Variants in ATAD1 observed in about 807,000 individuals in gnomAD.
ATAD1 encodes the protein ATPase family AAA domain containing 1, also known as outer mitochondrial transmembrane helix translocase.
A neutral mutation model predicts 42.7 loss-of-function variants in ATAD1; 18 were observed. The observed-to-expected ratio is 0.42, with a 90% CI of 0.29 to 0.63. The LOEUF (loss-of-function observed/expected upper bound fraction) is 0.63, where lower values mean the gene tolerates loss of function less well. ATAD1 is among the 20% of genes least tolerant of loss of function. ATAD1 has a pLI of 0.19. For synonymous variants in ATAD1, 132 were observed against 143.1 expected, an observed-to-expected ratio of 0.92 and a Z score of 0.55; for missense variants, 294 against 440.4, an observed-to-expected ratio of 0.67 and a Z score of 2.98.
chr10:87,780,651 T>A (rs1448866081), intron 5 of ATAD1, among the ~76,000 whole-genome samples: 1 of 151,972 alleles, frequency 6.6e-6, no homozygotes, highest in Non-Finnish European at 1.5e-5. Context: ...AGAAAAAAAA[T>A]CCCAGAGTTC....
At chr10:87,797,305 G>A (rs551826162) in intron 2 of ATAD1, among the ~76,000 whole-genome samples, 46 of 149,808 alleles carry the variant, frequency 3.1e-4, no homozygotes, top group Middle Eastern at 3.4e-3. Context: ...AAAATTCCTC[G>A]CAGCTGCAAA....
chr10:87,793,694 T>G (rs1856237925), intron 2 of ATAD1, among the ~76,000 whole-genome samples: 1 of 152,176 alleles, frequency 6.6e-6, no homozygotes, highest in Admixed American at 6.6e-5. Flanking sequence ...TGAAAGAGTC[T>G]TTAAAAATCT....
At chr10:87,808,504 C>G (rs1193977000) in intron 2 of ATAD1, among the ~76,000 whole-genome samples, 1 of 152,168 alleles carries the variant, frequency 6.6e-6, no homozygotes, top group Non-Finnish European at 1.5e-5. Flanking sequence ...GAGCCAAAAT[C>G]ATGCCACTGC....
At chr10:87,798,394 T>C (rs1856502650) in intron 2 of ATAD1, among the ~76,000 whole-genome samples, 2 of 152,184 alleles carry the variant, frequency 1.3e-5, no homozygotes, top group Non-Finnish European at 2.9e-5. Flanking sequence ...AACATGGTCT[T>C]TGTGCACATT....
upstream of ATAD1, among the ~76,000 whole-genome samples, chr10:87,821,690 CT>C (rs1857634190): frequency 6.6e-6 from 1 of 152,182 alleles, no homozygotes; most frequent in Non-Finnish European, 1.5e-5. Context: ...CATCTGGGCT[CT>C]CCGCCATGTG....
upstream of ATAD1, among the ~76,000 whole-genome samples, chr10:87,820,724 T>C (rs1042740945): frequency 1.3e-5 from 2 of 152,198 alleles, no homozygotes; most frequent in African/African-American, 4.8e-5. Context: ...TGCCTACACC[T>C]ATATGTTTTG....
chr10:87,801,616 A>C (rs1007460394), intron 2 of ATAD1, among the ~76,000 whole-genome samples: 9 of 151,988 alleles, frequency 5.9e-5, no homozygotes, highest in African/African-American at 2.2e-4. Context: ...ATTATCAATA[A>C]TAATTATAAT....
intron 1 of ATAD1, among the ~76,000 whole-genome samples, chr10:87,826,287 G>A (rs544744090): frequency 2.6e-5 from 4 of 152,160 alleles, no homozygotes; most frequent in Non-Finnish European, 5.9e-5. Flanking sequence ...TAGTATACCT[G>A]ATAGATTTCA....
intron 1 of ATAD1, among the ~76,000 whole-genome samples, chr10:87,830,664 C>T (rs1009687504): frequency 3.3e-5 from 5 of 152,154 alleles, no homozygotes; most frequent in African/African-American, 1.2e-4. Context: ...AAATACCACT[C>T]TCTAGAAAGT....
chr10:87,792,385 T>C (rs529344523), intron 3 of ATAD1, among the ~76,000 whole-genome samples: 1 of 152,238 alleles, frequency 6.6e-6, no homozygotes, highest in Non-Finnish European at 1.5e-5. Context: ...TTGTCACAAC[T>C]TGATGCACTA....
intron 8 of ATAD1, among the ~76,000 whole-genome samples, chr10:87,757,339 A>T (rs1854273088): frequency 6.6e-6 from 1 of 151,962 alleles, no homozygotes; most frequent in African/African-American, 2.4e-5. Context: ...CTATTATCTC[A>T]ACATGAATTT....
At position 87,754,635 on chromosome 10, in the gene ATAD1, A is replaced by AT. The variant is rs1212885290; in HGVS notation, c.*51dup. The AT allele has an allele frequency of 4.5e-6, 7 of 1,564,150 alleles. No homozygotes were observed. The highest frequency in any genetic ancestry group is 5.2e-6 in the Non-Finnish European group (6 of 1,148,340). Reference sequence around the variant, plus strand: ...CTTTCCGTTCTATTTCCACTAACTGATAAGAGGACACACCAAACTAGATCA... The same window carrying AT: ...CTTTCCGTTCTATTTCCACTAACTGATTAAGAGGACACACCAAACTAGATCA... On this transcript the variant is annotated 3_prime_UTR_variant, in exon 10 of 10. Transcript: ENST00000680024.
intron 1 of ATAD1, among the ~76,000 whole-genome samples, chr10:87,828,818 C>G (rs906236193): frequency 6.6e-6 from 1 of 152,162 alleles, no homozygotes; most frequent in African/African-American, 2.4e-5. Flanking sequence ...TTCTGAAAAT[C>G]CTAGGGACTT....
chr10:87,840,959 C>T (rs372630276), intron 1 of ATAD1, among the ~76,000 whole-genome samples: 3 of 151,898 alleles, frequency 2.0e-5, no homozygotes, highest in African/African-American at 7.3e-5. Flanking sequence ...CTTTTAGTCA[C>T]GGAGCTTATG....
chr10:87,818,300 C>G, upstream of ATAD1: 1 of 980,454 alleles, frequency 1.0e-6, no homozygotes, highest in Non-Finnish European at 1.2e-6. Context: ...CCCGCGGTCG[C>G]CGGCGCGGAG....
chr10:87,812,416 T>G (rs1589556001), intron 2 of ATAD1, among the ~76,000 whole-genome samples: 1 of 152,082 alleles, frequency 6.6e-6, no homozygotes, highest in Non-Finnish European at 1.5e-5. Context: ...TGTGCACCAC[T>G]ACGTCCGGCT....
At chr10:87,822,930 C>T (rs1857657661), upstream of ATAD1, among the ~76,000 whole-genome samples, 1 of 149,390 alleles carries the variant, frequency 6.7e-6, no homozygotes, top group Non-Finnish European at 1.5e-5. Context: ...ACTATGTACC[C>T]ATAAACTTTT....
At chr10:87,833,482 G>A (rs1483983056) in intron 1 of ATAD1, among the ~76,000 whole-genome samples, 1 of 151,904 alleles carries the variant, frequency 6.6e-6, no homozygotes, top group Non-Finnish European at 1.5e-5. Flanking sequence ...TTATTACACT[G>A]AATGAAATTC....
intron 2 of ATAD1, among the ~76,000 whole-genome samples, chr10:87,798,625 G>GGGGTGT (rs1554881741): frequency 8.0e-6 from 1 of 124,858 alleles, no homozygotes; most frequent in Admixed American, 7.8e-5. Context: ...AGCTATAGGG[G>GGGGTGT]GTGTGTGTGT....
Sources: allele counts gnomAD v4.1 joint callset (sites outside exome capture counted in the v4.1 genomes callset), GRCh38; gene constraint gnomAD v4.1.1; transcripts MANE v1.5; gene names NCBI Gene and HGNC (gene_info 2026-07-23, HGNC 2026-07-21).